The following TRIM44 variants were observed in gnomAD, a reference collection of about 807,000 sequenced individuals.
TRIM44 encodes tripartite motif-containing protein 44.
In TRIM44, 13 loss-of-function variants were observed where a neutral mutation model predicts 37.4. The observed-to-expected ratio is 0.35, with a 90% CI of 0.23 to 0.55. The LOEUF is 0.55. Among genes scored for constraint, TRIM44 ranks in the 20% least tolerant of loss-of-function variants. The pLI is 0.89. For missense variants in TRIM44, 426 were observed against 437.2 expected, an observed-to-expected ratio of 0.97 and a Z score of 0.23; for synonymous variants, 175 against 157.2, an observed-to-expected ratio of 1.11 and a Z score of -0.85.
At chr11:35,729,836 T>G (rs562333733) in intron 3 of TRIM44, among the ~76,000 whole-genome samples, 1 of 152,300 alleles carries the variant, frequency 6.6e-6, no homozygotes, top group South Asian at 2.1e-4. Flanking sequence ...ATGTCCAGGA[T>G]ACAGACCAAA....
intron 4 of TRIM44, among the ~76,000 whole-genome samples, chr11:35,741,115 G>C (rs1157849828): frequency 3.3e-5 from 5 of 152,160 alleles, no homozygotes; most frequent in African/African-American, 1.2e-4. Flanking sequence ...TCTGGAAGCT[G>C]AAGAAAATGG....
chr11:35,737,737 A>G (rs566983290), intron 4 of TRIM44, among the ~76,000 whole-genome samples: 1 of 152,056 alleles, frequency 6.6e-6, no homozygotes, highest in South Asian at 2.1e-4. Context: ...TCGGGAGGCT[A>G]AGGCAGGAGA....
intron 2 of TRIM44, among the ~76,000 whole-genome samples, chr11:35,697,813 A>G (rs1221975789): frequency 2.0e-5 from 3 of 152,110 alleles, no homozygotes; most frequent in African/African-American, 4.8e-5. Flanking sequence ...ATAGTATTCC[A>G]TGGTGTATAT....
chr11:35,738,910 C>G (rs185658816), intron 4 of TRIM44, among the ~76,000 whole-genome samples: 115 of 152,118 alleles, frequency 7.6e-4, no homozygotes, highest in African/African-American at 2.7e-3. Context: ...CATAGAAGTT[C>G]AAAGAGAATT....
chr11:35,742,018 C>G (rs182945957), intron 4 of TRIM44, among the ~76,000 whole-genome samples: 24 of 152,188 alleles, frequency 1.6e-4, no homozygotes, highest in African/African-American at 5.3e-4. Context: ...GCAGCCTCAA[C>G]CTCCCTGGCT....
chr11:35,687,079 A>G (rs947289243), intron 2 of TRIM44, among the ~76,000 whole-genome samples: 8 of 152,366 alleles, frequency 5.3e-5, no homozygotes, highest in Admixed American at 3.3e-4. Context: ...CTAATGTAAT[A>G]TAGATGTGGA....
Position 35,706,320 on chromosome 11 carries a change from T to G in TRIM44, c.748-19604T>G, listed in dbSNP as rs554743936. Among the ~76,000 whole-genome samples, 10 of 152,174 alleles carry G rather than the reference T, an allele frequency of 6.6e-5. No homozygotes were observed. In the South Asian group the frequency reaches 2.1e-3, roughly 32 times the overall value. ...AGGACCAGATGGATTCACAGCCGAA[T>G]TCTACCAGAGGTACAAGGAGTAAAT... is the stretch of plus-strand genomic sequence containing the variant. On this transcript the variant is annotated intron_variant, in intron 2 of 4. Coordinates refer to ENST00000299413, the MANE Select transcript of TRIM44 (RefSeq NM_017583.6).
intron 2 of TRIM44, among the ~76,000 whole-genome samples, chr11:35,703,478 T>C (rs1490670198): frequency 6.6e-6 from 1 of 152,212 alleles, no homozygotes; most frequent in African/African-American, 2.4e-5. Context: ...CCCTGACCCC[T>C]GACCCCCGAG....
Position 35,703,706 on chromosome 11 carries a change from C to A in TRIM44, c.747+18370C>A, listed in dbSNP as rs967725410. Among the ~76,000 whole-genome samples, 5 of 152,304 alleles carry A rather than the reference C, an allele frequency of 3.3e-5. No homozygotes were observed. The South Asian group carries it at 1.0e-3, about 32-fold the overall frequency. On this transcript the variant is annotated intron_variant, in intron 2 of 4. Coordinates refer to ENST00000299413, the MANE Select transcript of TRIM44 (RefSeq NM_017583.6). Reference sequence around the variant, plus strand: ...ACAGACCTGCAGCTGAGGGTCCTGTCTGATAGAAGGAAAACTAACAAACAG... The same window carrying A: ...ACAGACCTGCAGCTGAGGGTCCTGTATGATAGAAGGAAAACTAACAAACAG...
chr11:35,667,990 G>A lies in TRIM44; in HGVS notation c.669+4210G>A, dbSNP rs548678521. On this transcript the variant is annotated intron_variant, in intron 1 of 4. Coordinates refer to ENST00000299413, the MANE Select transcript of TRIM44 (RefSeq NM_017583.6). ...TTCATAGTCTGAGGCAGAGTGTAGT[G>A]TTTCTTATATATTCTTTCTCTCTTT... Among the ~76,000 whole-genome samples the A allele has an allele frequency of 2.0e-5, 3 of 152,070 alleles. No individual in the cohort carries two copies. In the South Asian group the frequency reaches 6.2e-4, roughly 32 times the overall value.
At position 35,809,145 on chromosome 11, in the gene TRIM44, C is replaced by G. The variant is rs1456807191; in HGVS notation, c.*2760C>G. On this transcript the variant is annotated 3_prime_UTR_variant, in exon 5 of 5. Coordinates refer to ENST00000299413, the MANE Select transcript of TRIM44 (RefSeq NM_017583.6). ...CCAAGAAGTGCTTGGAGTCTCGGCT[C>G]TGACAGCCCAAGAAGGGAAATAACT... is the stretch of plus-strand genomic sequence containing the variant. 2 of 152,324 alleles carry G rather than the reference C, an allele frequency of 1.3e-5. No homozygotes were observed. Among genetic ancestry groups the G allele is most frequent in the African/African-American group, 4.8e-5 (2 of 41,562 alleles). The allele number at this position is 152,324 out of a possible 1,614,324, so 9.4% of individuals were successfully genotyped here.
intron 1 of TRIM44, among the ~76,000 whole-genome samples, chr11:35,664,547 G>A (rs1851311511): frequency 6.6e-6 from 1 of 152,170 alleles, no homozygotes; most frequent in Non-Finnish European, 1.5e-5. Context: ...TGAGTGGAGT[G>A]ATCAGTTCAT....
At chr11:35,762,197 A>G (rs1852739519) in intron 4 of TRIM44, among the ~76,000 whole-genome samples, 1 of 152,118 alleles carries the variant, frequency 6.6e-6, no homozygotes, top group South Asian at 2.1e-4. Context: ...ATATAAATAG[A>G]CTTTTTGTGC....
At chr11:35,755,021 G>A (rs1039046701) in intron 4 of TRIM44, among the ~76,000 whole-genome samples, 1 of 152,200 alleles carries the variant, frequency 6.6e-6, no homozygotes, top group African/African-American at 2.4e-5. Flanking sequence ...TATATACCCA[G>A]TAATGGGATG....
intron 4 of TRIM44, among the ~76,000 whole-genome samples, chr11:35,754,949 G>C (rs541684196): frequency 8.5e-5 from 13 of 152,266 alleles, no homozygotes; most frequent in African/African-American, 1.7e-4. Flanking sequence ...ATTGTGAATA[G>C]TGCTGCAATA....
chr11:35,771,169 G>C (rs1186733643), intron 4 of TRIM44, among the ~76,000 whole-genome samples: 1 of 152,200 alleles, frequency 6.6e-6, no homozygotes, highest in Non-Finnish European at 1.5e-5. Flanking sequence ...CTAGAGAGTT[G>C]TTGAATGGCT....
At chr11:35,714,516 G>A (rs545850095) in intron 2 of TRIM44, among the ~76,000 whole-genome samples, 1 of 152,260 alleles carries the variant, frequency 6.6e-6, no homozygotes, top group South Asian at 2.1e-4. Context: ...TGAGAGCTAC[G>A]TCTCAGTGCC....
intron 4 of TRIM44, among the ~76,000 whole-genome samples, chr11:35,738,204 T>C (rs1852349351): frequency 6.6e-6 from 1 of 152,236 alleles, no homozygotes; most frequent in Admixed American, 6.5e-5. Context: ...CTCATCTTTA[T>C]AGCCACATGC....
chr11:35,709,208 C>T (rs1851935218), intron 2 of TRIM44, among the ~76,000 whole-genome samples: 1 of 152,176 alleles, frequency 6.6e-6, no homozygotes, highest in Non-Finnish European at 1.5e-5. Flanking sequence ...TTATTCAGAA[C>T]ATTCTACTGT....
Sources: gnomAD v4.1 joint callset for allele counts (sites outside exome capture counted in the v4.1 genomes callset) on GRCh38, gnomAD v4.1.1 for gene constraint, MANE v1.5 for transcripts, NCBI Gene and HGNC (gene_info 2026-07-23, HGNC 2026-07-21) for gene names.